PXDNL: variants seen among roughly 807,000 people sequenced by gnomAD.
The protein encoded by PXDNL is peroxidasin like.
PXDNL carries 145 observed loss-of-function variants against 150.8 expected under a neutral mutation model. That is an observed-to-expected ratio of 0.96 (90% CI 0.84 to 1.10). PXDNL has a LOEUF of 1.10. PXDNL is among the 50% of genes least tolerant of loss of function. The probability of loss-of-function intolerance (pLI) is 0.00; values close to 1 mark genes in which losing one functional copy is unlikely to be tolerated. For synonymous variants in PXDNL, 757 were observed against 725.7 expected (o/e 1.04, Z -0.69); for missense variants, 2,087 against 1,873.9 (o/e 1.11, Z -2.10).
At chr8:51,626,855 TG>T (rs1814370474) in intron 2 of PXDNL, among the ~76,000 whole-genome samples, 1 of 152,158 alleles carries the variant, frequency 6.6e-6, no homozygotes. Context: ...AAAATGTAAG[TG>T]GTGAGTGATG....
chr8:51,803,296 C>T (rs763174907), intron 1 of PXDNL, among the ~76,000 whole-genome samples: 4 of 152,136 alleles, frequency 2.6e-5, no homozygotes, highest in Non-Finnish European at 5.9e-5. Flanking sequence ...TTGGAAACTG[C>T]GAGGTCCAGT....
intron 17 of PXDNL, among the ~76,000 whole-genome samples, chr8:51,384,214 T>C (rs947333986): frequency 1.1e-4 from 17 of 152,170 alleles, no homozygotes; most frequent in African/African-American, 3.1e-4. Context: ...CAAAATTTCC[T>C]CTGCCTCAGG....
At chr8:51,512,080 C>A (rs1235908335) in intron 4 of PXDNL, among the ~76,000 whole-genome samples, 5 of 152,124 alleles carry the variant, frequency 3.3e-5, no homozygotes, top group African/African-American at 4.8e-5. Context: ...CCCTCTGAAA[C>A]CATTCCCATA....
chr8:51,788,885 A>G (rs2129254114), intron 1 of PXDNL, among the ~76,000 whole-genome samples: 1 of 152,328 alleles, frequency 6.6e-6, no homozygotes, highest in South Asian at 2.1e-4. Context: ...GTTCCGCACT[A>G]ACTGCCTTCC....
chr8:51,644,423 T>TATAC lies in PXDNL; in HGVS notation c.236+10265_236+10266insGTAT, dbSNP rs1554561847. 7.6e-5 allele frequency among the ~76,000 whole-genome samples: 9 copies of TATAC among 117,820 alleles called. No individual in the cohort carries two copies. In the East Asian group the frequency reaches 1.9e-3, roughly 25 times the overall value. The allele number at this position is 117,820 out of a possible 152,430, so 77.3% of individuals were successfully genotyped here. A position where few individuals can be genotyped will look rare whatever the true frequency, so the allele number is the denominator to read the frequency against. The stretch of plus-strand genomic sequence containing the variant: ...ATATACACATGTGTGTGTATATATA[T>TATAC]ACACATATGTGTGTGTATATATATA... On this transcript the variant is annotated intron_variant, in intron 2 of 22. Coordinates refer to ENST00000356297, the MANE Select transcript of PXDNL (RefSeq NM_144651.5).
At chr8:51,663,277 C>G (rs1247427217) in intron 1 of PXDNL, among the ~76,000 whole-genome samples, 1 of 152,202 alleles carries the variant, frequency 6.6e-6, no homozygotes, top group Non-Finnish European at 1.5e-5. Context: ...GATGGACCAG[C>G]AGGCCCACCA....
chr8:51,586,714 T>C (rs16916548), intron 3 of PXDNL, among the ~76,000 whole-genome samples: 7,774 of 152,192 alleles, frequency 0.051, 461 homozygotes, highest in African/African-American at 0.15. Flanking sequence ...AAATGGAAAA[T>C]GCCAATGCTA....
chr8:51,733,223 T>A (rs971946433), intron 1 of PXDNL, among the ~76,000 whole-genome samples: 1 of 152,206 alleles, frequency 6.6e-6, no homozygotes, highest in Non-Finnish European at 1.5e-5. Context: ...CTTGAGACTG[T>A]AAAACATATT....
chr8:51,418,556 G>T (rs1483109295), intron 14 of PXDNL, among the ~76,000 whole-genome samples: 1 of 152,178 alleles, frequency 6.6e-6, no homozygotes, highest in Non-Finnish European at 1.5e-5. Context: ...ATAGTGAATT[G>T]TTTATACAGA....
rs117955700 is a variant in PXDNL, at chr8:51,724,966, T to C, written c.165-70206A>G. ...AACTCACAGACTCCACCTATTGTCC[T>C]TGGACACTTAATTTTTTTTTCTTTT... On this transcript the variant is annotated intron_variant, in intron 1 of 22. Transcript: ENST00000356297. Among the ~76,000 whole-genome samples, 22 of 152,286 alleles carry C rather than the reference T, an allele frequency of 1.4e-4. No homozygotes were observed. In the East Asian group the frequency reaches 3.3e-3, roughly 23 times the overall value.
intron 1 of PXDNL, among the ~76,000 whole-genome samples, chr8:51,738,050 T>C (rs910086033): frequency 1.3e-5 from 2 of 152,140 alleles, no homozygotes; most frequent in Non-Finnish European, 2.9e-5. Context: ...AGAGTTCACA[T>C]TGAGTATTGG....
intron 2 of PXDNL, among the ~76,000 whole-genome samples, chr8:51,648,235 G>A (rs1339564134): frequency 2.6e-5 from 4 of 152,138 alleles, no homozygotes; most frequent in Admixed American, 1.3e-4. Flanking sequence ...ATATCAGGTC[G>A]TAATTCCTGG....
intron 12 of PXDNL, among the ~76,000 whole-genome samples, chr8:51,445,145 C>A (rs1479513761): frequency 6.6e-6 from 1 of 152,094 alleles, no homozygotes; most frequent in Non-Finnish European, 1.5e-5. Flanking sequence ...GTCTCGAACA[C>A]CTGATCTCAG....
At chr8:51,454,747 T>C (rs1168724991) in intron 9 of PXDNL, among the ~76,000 whole-genome samples, 1 of 152,158 alleles carries the variant, frequency 6.6e-6, no homozygotes, top group African/African-American at 2.4e-5. Flanking sequence ...TTCCTAACAA[T>C]ATCGAATGTC....
At chr8:51,519,677 T>A (rs928859183) in intron 4 of PXDNL, among the ~76,000 whole-genome samples, 2 of 152,014 alleles carry the variant, frequency 1.3e-5, no homozygotes, top group Non-Finnish European at 2.9e-5. Flanking sequence ...CATCAAAAAA[T>A]AAAGCAAGAG....
At chr8:51,321,899 A>T (rs1458574853) in intron 21 of PXDNL, among the ~76,000 whole-genome samples, 1 of 152,198 alleles carries the variant, frequency 6.6e-6, no homozygotes, top group Admixed American at 6.5e-5. Context: ...CCCAAAATTC[A>T]TAAGTTGAAG....
intron 21 of PXDNL, among the ~76,000 whole-genome samples, chr8:51,329,182 TA>T (rs1805606356): frequency 6.6e-6 from 1 of 152,158 alleles, no homozygotes; most frequent in Non-Finnish European, 1.5e-5. Context: ...CAGAGGATGA[TA>T]AAATATTTCC....
chr8:51,492,157 T>A (rs1563436104), intron 5 of PXDNL, among the ~76,000 whole-genome samples: 2 of 152,262 alleles, frequency 1.3e-5, no homozygotes, highest in East Asian at 1.9e-4. Flanking sequence ...ATTAAGGGCA[T>A]CCTTTTTTAA....
intron 4 of PXDNL, among the ~76,000 whole-genome samples, chr8:51,520,363 G>T (rs751434988): frequency 2.0e-5 from 3 of 151,606 alleles, no homozygotes; most frequent in Non-Finnish European, 4.4e-5. Context: ...CTTTGAATAT[G>T]TGGACTGGAA....
Sources: gnomAD v4.1 joint callset for allele counts (sites outside exome capture counted in the v4.1 genomes callset) on GRCh38, gnomAD v4.1.1 for gene constraint, MANE v1.5 for transcripts, NCBI Gene and HGNC (gene_info 2026-07-23, HGNC 2026-07-21) for gene names.